SYT14: variants seen among roughly 807,000 people sequenced by gnomAD.
The protein encoded by SYT14 is synaptotagmin 14.
SYT14 carries 32 observed loss-of-function variants against 74.2 expected under a neutral mutation model. That is an observed-to-expected ratio of 0.43 (90% CI 0.33 to 0.58). The LOEUF (loss-of-function observed/expected upper bound fraction) is 0.58, where lower values mean the gene tolerates loss of function less well. Ranked by LOEUF, SYT14 falls within the 20% of genes least tolerant of loss-of-function variation. The probability of loss-of-function intolerance (pLI) is 0.05; values close to 1 mark genes in which losing one functional copy is unlikely to be tolerated. For missense variants in SYT14, 791 were observed against 981.8 expected, an observed-to-expected ratio of 0.81 and a Z score of 2.60; for synonymous variants, 298 against 337.7, an observed-to-expected ratio of 0.88 and a Z score of 1.29.
At position 210,123,985 on chromosome 1, in the gene SYT14, A is replaced by G. The variant is rs181221572; in HGVS notation, c.2034+23524A>G. 1.2e-4 allele frequency among the ~76,000 whole-genome samples: 19 copies of G among 152,336 alleles called. No individual in the cohort carries two copies. In the East Asian group the frequency reaches 3.5e-3, roughly 28 times the overall value. The stretch of plus-strand genomic sequence containing the variant: ...AAAGGGTCTCTTGTAAATTACAAGT[A>G]TGATCACCAAAACAAAGCAAATAGT... On this transcript the variant is annotated intron_variant, in intron 7 of 9. Coordinates refer to ENST00000637265, the Ensembl canonical transcript of SYT14.
intron 1 of SYT14, among the ~76,000 whole-genome samples, chr1:209,940,794 G>C (rs2078717986): frequency 6.6e-6 from 1 of 152,168 alleles, no homozygotes; most frequent in Non-Finnish European, 1.5e-5. Flanking sequence ...TCCTCTGGAT[G>C]ATCTGTAGTT....
At chr1:209,980,487 A>G (rs1450746951) in intron 2 of SYT14, among the ~76,000 whole-genome samples, 1 of 152,104 alleles carries the variant, frequency 6.6e-6, no homozygotes, top group Admixed American at 6.6e-5. Context: ...TTTTGTTGCA[A>G]TTGCTTTTGG....
At position 209,943,826 on chromosome 1, in the gene SYT14, A is replaced by T. The variant is rs185101884; in HGVS notation, c.-534+5549A>T. ...TGTAAGAATGAACAAACTACTATATATAAAACATTTCACGCTTTTGAGTAA... is the reference window on the plus strand; with the variant it reads ...TGTAAGAATGAACAAACTACTATATTTAAAACATTTCACGCTTTTGAGTAA... On this transcript the variant is annotated intron_variant, in intron 1 of 9. Coordinates refer to ENST00000637265, the Ensembl canonical transcript of SYT14. 9.4e-3 allele frequency among the ~76,000 whole-genome samples: 1,437 copies of T among 152,318 alleles called. 18 individuals are homozygous for T. The highest frequency in any genetic ancestry group is 0.013 in the Non-Finnish European group (851 of 68,038).
chr1:210,065,504 C>A (rs1482201715), intron 5 of SYT14, among the ~76,000 whole-genome samples: 1 of 151,710 alleles, frequency 6.6e-6, no homozygotes, highest in African/African-American at 2.4e-5. Context: ...GTCAGTTAAA[C>A]CTCTTTCCTT....
intron 2 of SYT14, among the ~76,000 whole-genome samples, chr1:209,979,096 C>T (rs986048201): frequency 1.3e-5 from 2 of 152,170 alleles, no homozygotes; most frequent in Admixed American, 6.5e-5. Context: ...TTCCGGGTGC[C>T]GTCTGTCACC....
chr1:209,942,365 C>G lies in SYT14; in HGVS notation c.-534+4088C>G, dbSNP rs1004686462. Among the ~76,000 whole-genome samples, 10 of 127,516 alleles carry G rather than the reference C, an allele frequency of 7.8e-5. No individual in the cohort carries two copies. In the South Asian group the frequency reaches 9.1e-4, roughly 12 times the overall value. 83.7% of individuals were successfully genotyped at this position (127,516 alleles called of 152,430 possible). A position where few individuals can be genotyped will look rare whatever the true frequency, so the allele number is the denominator to read the frequency against. On this transcript the variant is annotated intron_variant, in intron 1 of 9. Transcript: ENST00000637265. ...TCCAGCCTCCATGCAAATTTACCCCCCCCCCCCCGCTCTGTTGTGCAGATT... is the reference window on the plus strand; with the variant it reads ...TCCAGCCTCCATGCAAATTTACCCCGCCCCCCCCGCTCTGTTGTGCAGATT...
intron 2 of SYT14, among the ~76,000 whole-genome samples, chr1:209,988,630 A>G (rs2079611821): frequency 6.6e-6 from 1 of 152,062 alleles, no homozygotes; most frequent in African/African-American, 2.4e-5. Context: ...GAGGGGCAAA[A>G]CCTGCATTTA....
chr1:210,139,296 G>A lies in SYT14; in HGVS notation c.2035-16425G>A, dbSNP rs576971905. ...TTTTTTTTTTTTTTTTTGATTTTTAGTGGAGATGGGGTTTTGCCATGTTGC... is the reference window on the plus strand; with the variant it reads ...TTTTTTTTTTTTTTTTTGATTTTTAATGGAGATGGGGTTTTGCCATGTTGC... On this transcript the variant is annotated intron_variant, in intron 7 of 9. Coordinates refer to ENST00000637265, the Ensembl canonical transcript of SYT14. Among the ~76,000 whole-genome samples the A allele has an allele frequency of 1.5e-4, 13 of 86,810 alleles. No individual in the cohort carries two copies. The South Asian group carries it at 5.0e-3, about 33-fold the overall frequency. 57.0% of individuals were successfully genotyped at this position (86,810 alleles called of 152,430 possible). A position where few individuals can be genotyped will look rare whatever the true frequency, so the allele number is the denominator to read the frequency against.
In SYT14 at chr1:209,969,712, C is replaced by T. The variant is rs2079215631; in HGVS notation, c.-486+16956C>T. 2.0e-5 allele frequency among the ~76,000 whole-genome samples: 3 copies of T among 152,052 alleles called. No homozygotes were observed. The South Asian group carries it at 6.2e-4, about 32-fold the overall frequency. Reference sequence around the variant, plus strand: ...CCGTGTTAGCCAGGATGGTCTTGATCTCCTGATCCACCCGTCTTGGCCTCC... The same window carrying T: ...CCGTGTTAGCCAGGATGGTCTTGATTTCCTGATCCACCCGTCTTGGCCTCC... On this transcript the variant is annotated intron_variant, in intron 2 of 9. Coordinates refer to ENST00000637265, the Ensembl canonical transcript of SYT14.
In SYT14 at chr1:210,078,309, C is replaced by CA. The variant is rs59924487; in HGVS notation, c.1313-15984dup. ...TGGGCGACAGAGCGAGACTCCGTCTCAAAAAAAAAAAAAAAAAAAAAAAAA... is the reference window on the plus strand; with the variant it reads ...TGGGCGACAGAGCGAGACTCCGTCTCAAAAAAAAAAAAAAAAAAAAAAAAAA... On this transcript the variant is annotated intron_variant, in intron 5 of 9. Coordinates refer to ENST00000637265, the Ensembl canonical transcript of SYT14. 4.4e-3 allele frequency among the ~76,000 whole-genome samples: 314 copies of CA among 72,056 alleles called. 15 individuals are homozygous for CA. The highest frequency in any genetic ancestry group is 7.2e-3 in the South Asian group (12 of 1,678). The allele number at this position is 72,056 out of a possible 152,430, so 47.3% of individuals were successfully genotyped here.
chr1:210,079,506 A>G (rs1272622490), intron 5 of SYT14, among the ~76,000 whole-genome samples: 1 of 152,144 alleles, frequency 6.6e-6, no homozygotes, highest in Non-Finnish European at 1.5e-5. Flanking sequence ...CATCACTCCA[A>G]AAACCACTTG....
rs529288802 is a variant in SYT14 at position 209,971,276 on chromosome 1, T to C, written c.-486+18520T>C. 9.2e-5 allele frequency among the ~76,000 whole-genome samples: 14 copies of C among 152,058 alleles called. 1 individual carries two copies. The highest frequency in any genetic ancestry group is 1.3e-4 in the Non-Finnish European group (9 of 68,016). ...TGAAGTCGTTTATCAGTTCCGGGAGTGTTTTCGTGGAGTCTTTAGGGTTTT... is the reference window on the plus strand; with the variant it reads ...TGAAGTCGTTTATCAGTTCCGGGAGCGTTTTCGTGGAGTCTTTAGGGTTTT... On this transcript the variant is annotated intron_variant, in intron 2 of 9. Transcript: ENST00000637265.
chr1:209,950,609 G>C (rs557594335), intron 1 of SYT14, among the ~76,000 whole-genome samples: 1 of 152,236 alleles, frequency 6.6e-6, no homozygotes, highest in South Asian at 2.1e-4. Flanking sequence ...TTTTTAATAA[G>C]AAAGAAGCAA....
At chr1:209,956,745 C>G (rs1008696216) in intron 2 of SYT14, among the ~76,000 whole-genome samples, 2 of 152,084 alleles carry the variant, frequency 1.3e-5, no homozygotes, top group Non-Finnish European at 2.9e-5. Flanking sequence ...TGGTGACCAT[C>G]TGGATAAATT....
At chr1:210,140,357 G>A (rs942761545) in intron 7 of SYT14, among the ~76,000 whole-genome samples, 7 of 151,960 alleles carry the variant, frequency 4.6e-5, no homozygotes, top group African/African-American at 1.5e-4. Flanking sequence ...AAAATCCTTT[G>A]CCTTTGTCTC....
intron 7 of SYT14, among the ~76,000 whole-genome samples, chr1:210,151,675 G>A (rs1265775371): frequency 6.6e-6 from 1 of 151,978 alleles, no homozygotes; most frequent in Non-Finnish European, 1.5e-5. Context: ...TTTTTCTAGG[G>A]CATAAATTCA....
chr1:210,043,048 C>T (rs1364948536), intron 5 of SYT14, among the ~76,000 whole-genome samples: 1 of 152,102 alleles, frequency 6.6e-6, no homozygotes, highest in Non-Finnish European at 1.5e-5. Context: ...GTTTGTAGTT[C>T]TCCTTGAAGA....
At chr1:210,156,057 C>T (rs2083262185) in intron 8 of SYT14, 147 bp downstream of exon 7, 1 of 840,884 alleles carries the variant, frequency 1.2e-6, no homozygotes, top group Admixed American at 2.5e-5. Flanking sequence ...TTTTCTATTT[C>T]CAGTCATTTG....
chr1:210,003,989 A>G (rs2079946813), intron 2 of SYT14, among the ~76,000 whole-genome samples: 1 of 152,000 alleles, frequency 6.6e-6, no homozygotes, highest in Non-Finnish European at 1.5e-5. Context: ...AGGTGTTCTC[A>G]ATTTTACTTT....
Sources: allele counts gnomAD v4.1 joint callset (sites outside exome capture counted in the v4.1 genomes callset), GRCh38; gene constraint gnomAD v4.1.1; transcripts MANE v1.5; gene names NCBI Gene and HGNC (gene_info 2026-07-23, HGNC 2026-07-21).